Variants in SBF2 observed in about 807,000 individuals in gnomAD.
SBF2 encodes myotubularin-related protein 13.
Under a neutral mutation model 225.2 loss-of-function variants are expected in SBF2, and 112 were observed. That is an observed-to-expected ratio of 0.50 (90% CI 0.43 to 0.58). The LOEUF is 0.58. Ranked by LOEUF, SBF2 falls within the 20% of genes least tolerant of loss-of-function variation. The pLI, the probability that SBF2 is intolerant of heterozygous loss-of-function variation, is 0.00. For synonymous variants in SBF2, 763 were observed against 773.3 expected (o/e 0.99, Z 0.22); for missense variants, 1,996 against 2,206.2 (o/e 0.90, Z 1.91).
At chr11:10,107,130 T>C (rs773890118) in intron 2 of SBF2, among the ~76,000 whole-genome samples, 2 of 152,218 alleles carry the variant, frequency 1.3e-5, no homozygotes, top group Non-Finnish European at 2.9e-5. Flanking sequence ...TACATATACA[T>C]ACTTAAATAA....
intron 2 of SBF2, among the ~76,000 whole-genome samples, chr11:10,129,951 A>C (rs1190373715): frequency 6.6e-6 from 1 of 152,254 alleles, no homozygotes; most frequent in South Asian, 2.1e-4. Flanking sequence ...TCAAGACTGC[A>C]GTGAGCCAAG....
At chr11:10,279,742 C>G (rs1008392944) in intron 1 of SBF2, among the ~76,000 whole-genome samples, 32 of 152,134 alleles carry the variant, frequency 2.1e-4, no homozygotes, top group Non-Finnish European at 4.3e-4. Context: ...CTCCACCTCC[C>G]GGGTTCAAGT....
At chr11:9,885,251 CAAAAAAAAAA>C (rs71453937) in intron 17 of SBF2, among the ~76,000 whole-genome samples, 8 of 38,284 alleles carry the variant, frequency 2.1e-4, no homozygotes, top group African/African-American at 7.0e-4. Context: ...ACTTTTCCTC[CAAAAAAAAAA>C]AAAAAAAAAA....
chr11:9,841,528 T>G (rs541361864), intron 25 of SBF2, among the ~76,000 whole-genome samples: 1 of 97,060 alleles, frequency 1.0e-5, no homozygotes, highest in African/African-American at 3.7e-5. Context: ...CAAAACCACA[T>G]AGGTTCTTTT....
intron 2 of SBF2, among the ~76,000 whole-genome samples, chr11:10,070,384 C>G (rs909177276): frequency 1.3e-5 from 2 of 152,140 alleles, no homozygotes; most frequent in Non-Finnish European, 2.9e-5. Flanking sequence ...TATGGCTAGC[C>G]AGTTTTCCCA....
rs1407165661 is a variant in SBF2, at chr11:10,221,769, C to A, written c.56-27782G>T. On this transcript the variant is annotated intron_variant, in intron 1 of 39. Transcript: ENST00000256190. ...CCAAAAGCAGACAAATATTAGAGGG[C>A]AGTCAGTACTTGGAAGAGTATGGTA... Among the ~76,000 whole-genome samples the A allele has an allele frequency of 2.6e-5, 4 of 152,250 alleles. No individual in the cohort carries two copies. In the East Asian group the frequency reaches 7.7e-4, roughly 29 times the overall value.
chr11:10,283,894 A>G (rs1345952294), intron 1 of SBF2, among the ~76,000 whole-genome samples: 1 of 152,228 alleles, frequency 6.6e-6, no homozygotes, highest in Non-Finnish European at 1.5e-5. Context: ...TAACAGCACT[A>G]TAAGAACACA....
intron 17 of SBF2, among the ~76,000 whole-genome samples, chr11:9,868,651 G>T (rs567552629): frequency 6.6e-6 from 1 of 152,270 alleles, no homozygotes; most frequent in Non-Finnish European, 1.5e-5. Flanking sequence ...TTTGTATATT[G>T]CTAGCATCAA....
At chr11:9,943,043 T>C (rs560798801) in intron 16 of SBF2, among the ~76,000 whole-genome samples, 8 of 152,062 alleles carry the variant, frequency 5.3e-5, no homozygotes, top group Non-Finnish European at 8.8e-5. Context: ...CTTACATAAA[T>C]AGGCGAATGA....
intron 1 of SBF2, among the ~76,000 whole-genome samples, chr11:10,240,867 C>A (rs564441737): frequency 9.1e-4 from 138 of 152,090 alleles, no homozygotes; most frequent in African/African-American, 3.2e-3. Context: ...GTTTAAATAT[C>A]TGGGAATTTT....
intron 28 of SBF2, chr11:9,828,461 G>A (rs1443560639): frequency 1.0e-6 from 1 of 985,272 alleles, no homozygotes; most frequent in East Asian, 1.1e-4. Flanking sequence ...ATGATAAATG[G>A]AGCAAGGCAT....
intron 1 of SBF2, among the ~76,000 whole-genome samples, chr11:10,211,611 C>T (rs1318799455): frequency 6.6e-6 from 1 of 152,160 alleles, no homozygotes; most frequent in Non-Finnish European, 1.5e-5. Flanking sequence ...TCACAATGTC[C>T]TATCAATTAG....
At chr11:10,229,323 C>A (rs1321103672) in intron 1 of SBF2, among the ~76,000 whole-genome samples, 2 of 152,104 alleles carry the variant, frequency 1.3e-5, no homozygotes, top group African/African-American at 4.8e-5. Flanking sequence ...TCCTTCAGTT[C>A]TGCTCTCTTA....
chr11:10,252,388 C>T (rs991666050), intron 1 of SBF2, among the ~76,000 whole-genome samples: 1 of 152,242 alleles, frequency 6.6e-6, no homozygotes, highest in Admixed American at 6.5e-5. Flanking sequence ...GCTTAATATG[C>T]AGACAAGACT....
At chr11:10,086,936 C>T (rs1442100955) in intron 2 of SBF2, among the ~76,000 whole-genome samples, 1 of 152,176 alleles carries the variant, frequency 6.6e-6, no homozygotes, top group East Asian at 1.9e-4. Flanking sequence ...AGGAGCAATT[C>T]GCACTTGAGG....
At chr11:9,977,224 C>T (rs1335630435) in intron 13 of SBF2, among the ~76,000 whole-genome samples, 4 of 152,070 alleles carry the variant, frequency 2.6e-5, no homozygotes, top group African/African-American at 9.7e-5. Context: ...TGGCTTACCC[C>T]TGTAATCCCA....
chr11:10,268,674 T>C (rs531478940), intron 1 of SBF2, among the ~76,000 whole-genome samples: 2 of 152,226 alleles, frequency 1.3e-5, no homozygotes, highest in Non-Finnish European at 2.9e-5. Flanking sequence ...AAAAAAGTAG[T>C]AGTCTCTCTG....
intron 1 of SBF2, among the ~76,000 whole-genome samples, chr11:10,248,462 G>A (rs1224149817): frequency 6.6e-6 from 1 of 152,224 alleles, no homozygotes; most frequent in Non-Finnish European, 1.5e-5. Context: ...GGGACTTGTG[G>A]AGTGAGATGC....
At chr11:9,967,301 G>A (rs1866977226) in intron 14 of SBF2, among the ~76,000 whole-genome samples, 1 of 151,844 alleles carries the variant, frequency 6.6e-6, no homozygotes, top group African/African-American at 2.4e-5. Context: ...GAGCCCGGGA[G>A]GCGGAGCTTG....
Sources: allele counts gnomAD v4.1 joint callset (sites outside exome capture counted in the v4.1 genomes callset), GRCh38; gene constraint gnomAD v4.1.1; transcripts MANE v1.5; gene names NCBI Gene and HGNC (gene_info 2026-07-23, HGNC 2026-07-21).